GALNTL6: variants seen among roughly 807,000 people sequenced by gnomAD.
The protein encoded by GALNTL6 is polypeptide N-acetylgalactosaminyltransferase like 6.
In GALNTL6, 46 loss-of-function variants were observed where a neutral mutation model predicts 73.7. That is an observed-to-expected ratio of 0.62 (90% CI 0.49 to 0.80). GALNTL6 has a LOEUF of 0.80. Ranked by LOEUF, GALNTL6 falls within the 30% of genes least tolerant of loss-of-function variation. The pLI, the probability that GALNTL6 is intolerant of heterozygous loss-of-function variation, is 0.00. For missense variants in GALNTL6, 604 were observed against 755.0 expected, an observed-to-expected ratio of 0.80 and a Z score of 2.34; for synonymous variants, 259 against 263.7, an observed-to-expected ratio of 0.98 and a Z score of 0.17.
Position 172,916,104 on chromosome 4 carries a change from A to G in GALNTL6, c.1042-15057A>G, listed in dbSNP as rs1193314324. On this transcript the variant is annotated intron_variant, in intron 8 of 12. Coordinates refer to ENST00000506823, the MANE Select transcript of GALNTL6 (RefSeq NM_001034845.3). ...AGGCTGGTTCAACATATGCAAATCA[A>G]TAAGTGTAATCCATCATATAAACAG... Among the ~76,000 whole-genome samples, 6 of 152,264 alleles carry G rather than the reference A, an allele frequency of 3.9e-5. No homozygotes were observed. The East Asian group carries it at 7.7e-4, about 20-fold the overall frequency.
intron 11 of GALNTL6, among the ~76,000 whole-genome samples, chr4:173,019,319 G>A (rs1752900216): frequency 6.6e-6 from 1 of 152,196 alleles, no homozygotes; most frequent in South Asian, 2.1e-4. Flanking sequence ...ATGAGTGACC[G>A]GCATACTGGT....
intron 7 of GALNTL6, among the ~76,000 whole-genome samples, chr4:172,824,049 G>T (rs972415126): frequency 6.6e-6 from 1 of 152,170 alleles, no homozygotes; most frequent in African/African-American, 2.4e-5. Flanking sequence ...CAGTGGGCTT[G>T]TTGGCGAGTA....
chr4:172,563,239 T>C (rs1052436247), intron 5 of GALNTL6, among the ~76,000 whole-genome samples: 2 of 152,150 alleles, frequency 1.3e-5, no homozygotes. Flanking sequence ...CTCTTCTTTG[T>C]TCCTTTGTGT....
chr4:172,761,530 C>T (rs1738090706), intron 5 of GALNTL6, among the ~76,000 whole-genome samples: 1 of 151,908 alleles, frequency 6.6e-6, no homozygotes, highest in African/African-American at 2.4e-5. Context: ...ATTTGTGATC[C>T]CCATGTGTTG....
Position 172,709,652 on chromosome 4 carries a change from T to C in GALNTL6, c.554-99709T>C, listed in dbSNP as rs780055688. On this transcript the variant is annotated intron_variant, in intron 5 of 12. Coordinates refer to ENST00000506823, the MANE Select transcript of GALNTL6 (RefSeq NM_001034845.3). The stretch of plus-strand genomic sequence containing the variant: ...AGCTCCCCTGCCTACCTTCCCACAG[T>C]GTGGGGAAAGGCTATCCATAAAGCA... Among the ~76,000 whole-genome samples the C allele has an allele frequency of 3.2e-4, 49 of 152,076 alleles. 1 individual carries two copies. The highest frequency in any genetic ancestry group is 5.2e-4 in the Admixed American group (8 of 15,262).
chr4:172,997,888 C>T (rs1441807366), intron 10 of GALNTL6, among the ~76,000 whole-genome samples: 1 of 152,174 alleles, frequency 6.6e-6, no homozygotes, highest in Non-Finnish European at 1.5e-5. Flanking sequence ...TGATGCCAGA[C>T]ATGTTTCACA....
At chr4:172,062,037 C>A (rs1579100014) in intron 2 of GALNTL6, among the ~76,000 whole-genome samples, 1 of 150,980 alleles carries the variant, frequency 6.6e-6, no homozygotes, top group Non-Finnish European at 1.5e-5. Flanking sequence ...CAACTTCTGC[C>A]CCCCCAGGTT....
intron 3 of GALNTL6, among the ~76,000 whole-genome samples, chr4:172,303,596 A>G (rs1245127725): frequency 6.6e-6 from 1 of 152,188 alleles, no homozygotes; most frequent in Non-Finnish European, 1.5e-5. Context: ...ATATAATGTT[A>G]TGGGATACAC....
intron 2 of GALNTL6, among the ~76,000 whole-genome samples, chr4:171,913,637 A>G (rs1737534908): frequency 6.6e-6 from 1 of 152,230 alleles, no homozygotes; most frequent in African/African-American, 2.4e-5. Context: ...TTACAGAAAA[A>G]GGATAGGAGA....
At chr4:172,120,977 C>G (rs1274559921) in intron 2 of GALNTL6, among the ~76,000 whole-genome samples, 1 of 151,834 alleles carries the variant, frequency 6.6e-6, no homozygotes, top group African/African-American at 2.4e-5. Flanking sequence ...CTTCAGCCTT[C>G]TGTGTTTAGG....
At chr4:172,545,205 G>A (rs943010269) in intron 5 of GALNTL6, among the ~76,000 whole-genome samples, 7 of 152,082 alleles carry the variant, frequency 4.6e-5, no homozygotes, top group African/African-American at 1.2e-4. Flanking sequence ...ATGGGGTGGG[G>A]GGGTAACTAA....
chr4:172,364,407 G>C (rs1356215958), intron 5 of GALNTL6, among the ~76,000 whole-genome samples: 1 of 152,102 alleles, frequency 6.6e-6, no homozygotes, highest in Non-Finnish European at 1.5e-5. Flanking sequence ...CACAGAGTAA[G>C]ACCCTGTCTC....
chr4:172,161,581 G>T (rs1209242894), intron 2 of GALNTL6, among the ~76,000 whole-genome samples: 1 of 152,040 alleles, frequency 6.6e-6, no homozygotes, highest in East Asian at 1.9e-4. Context: ...GATCTTAGAA[G>T]AGTCAAGAAA....
At chr4:171,820,911 C>T (rs1158380920) in intron 2 of GALNTL6, among the ~76,000 whole-genome samples, 1 of 152,098 alleles carries the variant, frequency 6.6e-6, no homozygotes, top group Non-Finnish European at 1.5e-5. Context: ...GATTTCAATA[C>T]TTGAAATCTA....
intron 5 of GALNTL6, among the ~76,000 whole-genome samples, chr4:172,559,499 T>A (rs1203557148): frequency 1.3e-5 from 2 of 152,200 alleles, no homozygotes; most frequent in Admixed American, 6.5e-5. Flanking sequence ...TCAGACATTA[T>A]CATGCTGAAA....
In GALNTL6 at chr4:172,658,232, C is replaced by T. The variant is rs550772492; in HGVS notation, c.554-151129C>T. ...CTGTAATCCCAGCACTTTGGGAGGC[C>T]GAGACGGGTGGATCACGAAGTCAGG... On this transcript the variant is annotated intron_variant, in intron 5 of 12. Transcript: ENST00000506823. Among the ~76,000 whole-genome samples the T allele has an allele frequency of 5.8e-4, 85 of 146,516 alleles. 1 individual carries two copies. The South Asian group carries it at 0.015, about 25-fold the overall frequency.
chr4:172,262,199 G>C (rs1738279573), intron 3 of GALNTL6, among the ~76,000 whole-genome samples: 1 of 151,242 alleles, frequency 6.6e-6, no homozygotes, highest in Non-Finnish European at 1.5e-5. Context: ...TTGACTTTCT[G>C]TTTTGATTAC....
At chr4:171,929,532 C>T (rs1159977788) in intron 2 of GALNTL6, among the ~76,000 whole-genome samples, 4 of 152,158 alleles carry the variant, frequency 2.6e-5, no homozygotes, top group Admixed American at 6.5e-5. Context: ...CTGTATTTTA[C>T]CTGGAGTGAC....
chr4:171,936,557 A>G (rs1195785023), intron 2 of GALNTL6, among the ~76,000 whole-genome samples: 1 of 152,194 alleles, frequency 6.6e-6, no homozygotes, highest in Non-Finnish European at 1.5e-5. Flanking sequence ...ATTCTCAGAT[A>G]CAGTAATAAA....
Sources: gnomAD v4.1 joint callset for allele counts (sites outside exome capture counted in the v4.1 genomes callset) on GRCh38, gnomAD v4.1.1 for gene constraint, MANE v1.5 for transcripts, NCBI Gene and HGNC (gene_info 2026-07-23, HGNC 2026-07-21) for gene names.